The following ARHGAP15 variants were observed in gnomAD, a reference collection of about 807,000 sequenced individuals.
The protein encoded by ARHGAP15 is rho GTPase-activating protein 15.
ARHGAP15 carries 51 observed loss-of-function variants against 63.7 expected under a neutral mutation model. That is an observed-to-expected ratio of 0.80 (90% CI 0.64 to 1.01). The LOEUF is 1.01. Ranked by LOEUF, ARHGAP15 falls within the 50% of genes least tolerant of loss-of-function variation. The probability of loss-of-function intolerance (pLI) is 0.00; values close to 1 mark genes in which losing one functional copy is unlikely to be tolerated. For missense variants in ARHGAP15, 560 were observed against 564.6 expected (o/e 0.99, Z 0.08); for synonymous variants, 191 against 193.8 (o/e 0.99, Z 0.12).
At chr2:143,173,846 G>C (rs531769914) in intron 2 of ARHGAP15, among the ~76,000 whole-genome samples, 1 of 151,980 alleles carries the variant, frequency 6.6e-6, no homozygotes. Context: ...AATGTCAACC[G>C]TATGTTAGAT....
At chr2:143,621,222 C>T (rs1313363290) in intron 11 of ARHGAP15, among the ~76,000 whole-genome samples, 1 of 152,058 alleles carries the variant, frequency 6.6e-6, no homozygotes, top group South Asian at 2.1e-4. Flanking sequence ...ATTTTCCAGC[C>T]CCAAATGTCA....
chr2:143,203,277 T>G (rs1439448803), intron 3 of ARHGAP15, among the ~76,000 whole-genome samples: 2 of 152,128 alleles, frequency 1.3e-5, no homozygotes, highest in Non-Finnish European at 2.9e-5. Context: ...TTACTCTGCT[T>G]TACTTTAGGA....
chr2:143,132,429 G>A (rs775416428), intron 1 of ARHGAP15, among the ~76,000 whole-genome samples: 14 of 152,184 alleles, frequency 9.2e-5, no homozygotes, highest in Non-Finnish European at 2.1e-4. Flanking sequence ...AGTCTCTAGT[G>A]GAAGCTCTCA....
intron 6 of ARHGAP15, among the ~76,000 whole-genome samples, chr2:143,422,742 G>C (rs1443538074): frequency 6.6e-6 from 1 of 152,100 alleles, no homozygotes; most frequent in East Asian, 1.9e-4. Flanking sequence ...ACTCAGTGAG[G>C]TGCAATGAGG....
chr2:143,459,938 G>A (rs1303237745), intron 8 of ARHGAP15, among the ~76,000 whole-genome samples: 1 of 152,106 alleles, frequency 6.6e-6, no homozygotes, highest in East Asian at 1.9e-4. Context: ...AAACTTGTTT[G>A]ATATGAAGTA....
intron 9 of ARHGAP15, among the ~76,000 whole-genome samples, chr2:143,498,124 T>C (rs1024465036): frequency 2.0e-5 from 3 of 152,236 alleles, no homozygotes; most frequent in African/African-American, 7.2e-5. Context: ...AATTCATGTC[T>C]ATTATAAATC....
At chr2:143,504,230 C>A (rs1462491108) in intron 9 of ARHGAP15, among the ~76,000 whole-genome samples, 10 of 152,112 alleles carry the variant, frequency 6.6e-5, no homozygotes, top group Non-Finnish European at 1.0e-4. Context: ...ACTTTATAGG[C>A]AATTTTGTTA....
intron 2 of ARHGAP15, among the ~76,000 whole-genome samples, chr2:143,201,518 A>C (rs1692116910): frequency 6.6e-6 from 1 of 151,972 alleles, no homozygotes; most frequent in African/African-American, 2.4e-5. Context: ...GTTCTCACTC[A>C]TTTGGGGGCG....
chr2:143,256,949 C>T (rs1265366661), intron 6 of ARHGAP15, among the ~76,000 whole-genome samples: 2 of 152,052 alleles, frequency 1.3e-5, no homozygotes, highest in Non-Finnish European at 2.9e-5. Flanking sequence ...GTACATTCTG[C>T]AAATGAAGAA....
At chr2:143,430,896 C>A (rs1689357704) in intron 6 of ARHGAP15, among the ~76,000 whole-genome samples, 1 of 151,936 alleles carries the variant, frequency 6.6e-6, no homozygotes, top group Admixed American at 6.6e-5. Flanking sequence ...GCATTTCCTG[C>A]ATACTATTTC....
chr2:143,330,383 C>T (rs1317814884), intron 6 of ARHGAP15, among the ~76,000 whole-genome samples: 4 of 151,820 alleles, frequency 2.6e-5, no homozygotes, highest in Admixed American at 2.6e-4. Flanking sequence ...AACAAACTTG[C>T]ATAATAGAAA....
At chr2:143,663,029 G>C (rs1454804334) in intron 12 of ARHGAP15, among the ~76,000 whole-genome samples, 1 of 129,108 alleles carries the variant, frequency 7.7e-6, no homozygotes, top group African/African-American at 3.0e-5. Context: ...AATCTAGCAA[G>C]GCAGGCCAAC....
At chr2:143,571,014 C>A (rs1696428753) in intron 11 of ARHGAP15, among the ~76,000 whole-genome samples, 1 of 152,152 alleles carries the variant, frequency 6.6e-6, no homozygotes, top group Non-Finnish European at 1.5e-5. Context: ...TGAGCTCCAC[C>A]TCTTGTCAGA....
chr2:143,151,957 C>T (rs897214588), intron 1 of ARHGAP15, among the ~76,000 whole-genome samples: 1 of 151,970 alleles, frequency 6.6e-6, no homozygotes, highest in South Asian at 2.1e-4. Flanking sequence ...CCATCCTCAA[C>T]TGTCCTCCTT....
chr2:143,716,571 C>A (rs1559141758), intron 13 of ARHGAP15, among the ~76,000 whole-genome samples: 2 of 152,208 alleles, frequency 1.3e-5, no homozygotes, highest in Non-Finnish European at 1.5e-5. Flanking sequence ...AAAAAAATCA[C>A]CTTGACTTAA....
At chr2:143,400,655 A>G (rs1442617982) in intron 6 of ARHGAP15, among the ~76,000 whole-genome samples, 6 of 151,994 alleles carry the variant, frequency 3.9e-5, no homozygotes, top group African/African-American at 1.2e-4. Flanking sequence ...TATTTTCAGT[A>G]ATTACCTTTA....
intron 12 of ARHGAP15, among the ~76,000 whole-genome samples, chr2:143,690,513 G>A (rs1488050417): frequency 6.6e-6 from 1 of 152,120 alleles, no homozygotes; most frequent in Non-Finnish European, 1.5e-5. Context: ...AGAGGGGAAT[G>A]TTTATTTTTA....
chr2:143,135,687 G>A (rs1481525962), intron 1 of ARHGAP15, among the ~76,000 whole-genome samples: 1 of 151,988 alleles, frequency 6.6e-6, no homozygotes, highest in Admixed American at 6.6e-5. Flanking sequence ...CTTCCCTCTT[G>A]AAACTCTCTT....
At chr2:143,382,095 TCC>T (rs1687081879) in intron 6 of ARHGAP15, among the ~76,000 whole-genome samples, 1 of 28,656 alleles carries the variant, frequency 3.5e-5, no homozygotes, top group African/African-American at 1.7e-4. Flanking sequence ...CCTTCCTTCC[TCC>T]CTCCCTTTCC....
Sources: allele counts gnomAD v4.1 joint callset (sites outside exome capture counted in the v4.1 genomes callset), GRCh38; gene constraint gnomAD v4.1.1; transcripts MANE v1.5; gene names NCBI Gene and HGNC (gene_info 2026-07-23, HGNC 2026-07-21).